RGS7: variants seen among roughly 807,000 people sequenced by gnomAD.
RGS7 encodes regulator of G-protein signaling 7.
In RGS7, 27 loss-of-function variants were observed where a neutral mutation model predicts 81.1. The observed-to-expected ratio is 0.33, with a 90% CI of 0.25 to 0.46. The LOEUF (loss-of-function observed/expected upper bound fraction) is 0.46, where lower values mean the gene tolerates loss of function less well. Ranked by LOEUF, RGS7 falls within the 20% of genes least tolerant of loss-of-function variation. The pLI is 1.00. For synonymous variants in RGS7, 208 were observed against 207.7 expected, an observed-to-expected ratio of 1.00 and a Z score of -0.01; for missense variants, 396 against 607.4, an observed-to-expected ratio of 0.65 and a Z score of 3.66.
chr1:240,820,969 T>C (rs1439585083), intron 10 of RGS7, among the ~76,000 whole-genome samples: 1 of 152,130 alleles, frequency 6.6e-6, no homozygotes, highest in East Asian at 1.9e-4. Flanking sequence ...TTCTCTTTCT[T>C]TCACGGTTGC....
intron 2 of RGS7, among the ~76,000 whole-genome samples, chr1:241,330,467 C>T (rs2081911382): frequency 1.3e-5 from 2 of 152,176 alleles, no homozygotes. Flanking sequence ...CACTTGAAGA[C>T]ATACCAGTTA....
intron 2 of RGS7, among the ~76,000 whole-genome samples, chr1:241,237,810 T>C (rs1352042689): frequency 2.0e-5 from 3 of 152,114 alleles, no homozygotes; most frequent in East Asian, 1.9e-4. Flanking sequence ...CGTTCGAGTA[T>C]AATTTGAGCC....
chr1:241,340,278 T>C (rs2082467751), intron 2 of RGS7, among the ~76,000 whole-genome samples: 1 of 152,142 alleles, frequency 6.6e-6, no homozygotes, highest in Non-Finnish European at 1.5e-5. Flanking sequence ...CAAAACCAAG[T>C]GAATGGTAAC....
chr1:241,100,928 C>A (rs1474736247), intron 2 of RGS7, among the ~76,000 whole-genome samples: 2 of 152,194 alleles, frequency 1.3e-5, no homozygotes, highest in South Asian at 4.1e-4. Context: ...GGGAGCTGAG[C>A]TGACTTATCA....
Position 240,853,759 on chromosome 1 carries a change from G to A in RGS7, c.609+14828C>T, listed in dbSNP as rs181588933. 4.3e-4 allele frequency among the ~76,000 whole-genome samples: 65 copies of A among 151,808 alleles called. No homozygotes were observed. In the East Asian group the frequency reaches 0.012, roughly 29 times the overall value. ...CTACTAAAAATACAAAAAATTAGCC[G>A]GGCGTGGTGCGGGCACCTGTAGTCC... On this transcript the variant is annotated intron_variant, in intron 9 of 18. Transcript: ENST00000440928.
At chr1:241,263,443 A>G (rs2077437783) in intron 2 of RGS7, among the ~76,000 whole-genome samples, 1 of 152,208 alleles carries the variant, frequency 6.6e-6, no homozygotes, top group South Asian at 2.1e-4. Flanking sequence ...TCCAAAGGGT[A>G]CAACTATAGC....
At chr1:240,833,781 G>T (rs1163041070) in intron 9 of RGS7, among the ~76,000 whole-genome samples, 1 of 151,792 alleles carries the variant, frequency 6.6e-6, no homozygotes, top group Non-Finnish European at 1.5e-5. Flanking sequence ...AGTAACTATA[G>T]ATTTTAAAGT....
At chr1:241,011,108 G>C (rs937039350) in intron 3 of RGS7, among the ~76,000 whole-genome samples, 3 of 152,178 alleles carry the variant, frequency 2.0e-5, no homozygotes, top group South Asian at 2.1e-4. Context: ...GATGGCTGCA[G>C]GAGTATGCTT....
chr1:241,317,785 A>C (rs1208302366), intron 2 of RGS7, among the ~76,000 whole-genome samples: 1 of 152,092 alleles, frequency 6.6e-6, no homozygotes, highest in East Asian at 1.9e-4. Flanking sequence ...CTTCTTGGCC[A>C]CTCATCAGTT....
rs1374182451 is a variant in RGS7 at position 240,986,615 on chromosome 1, G to C, written c.176-3486C>G. ...TTTTTTTTTTTTGAGACGGAGTCTC[G>C]CTGTCGCCCAGGCTGGAGTGCAGTG... On this transcript the variant is annotated intron_variant, in intron 3 of 18. Coordinates refer to ENST00000440928, the MANE Select transcript of RGS7 (RefSeq NM_001364886.1). 2.1e-3 allele frequency among the ~76,000 whole-genome samples: 2 copies of C among 958 alleles called. 1 individual carries two copies. Among genetic ancestry groups the C allele is most frequent in the Non-Finnish European group, 3.3e-3 (2 of 612 alleles). 0.6% of individuals were successfully genotyped at this position (958 alleles called of 152,430 possible). A position where few individuals can be genotyped will look rare whatever the true frequency, so the allele number is the denominator to read the frequency against.
intron 2 of RGS7, among the ~76,000 whole-genome samples, chr1:241,345,172 G>A (rs1422382791): frequency 6.6e-6 from 1 of 152,184 alleles, no homozygotes; most frequent in Non-Finnish European, 1.5e-5. Flanking sequence ...CTTATAAGTA[G>A]GAGCTAAATG....
At chr1:241,029,055 C>A (rs532141314) in intron 3 of RGS7, among the ~76,000 whole-genome samples, 1 of 151,842 alleles carries the variant, frequency 6.6e-6, no homozygotes, top group Non-Finnish European at 1.5e-5. Flanking sequence ...ATTGAAGAGG[C>A]GAAAATCAAA....
intron 3 of RGS7, among the ~76,000 whole-genome samples, chr1:241,029,372 A>G (rs2059955468): frequency 6.6e-6 from 1 of 152,204 alleles, no homozygotes. Flanking sequence ...TAACCCCTCG[A>G]AATCTAGCTT....
chr1:241,346,362 C>T (rs2148719573), intron 2 of RGS7, among the ~76,000 whole-genome samples: 1 of 150,246 alleles, frequency 6.7e-6, no homozygotes, highest in Non-Finnish European at 1.5e-5. Context: ...ATCTTCAGCA[C>T]TTACCATACA....
chr1:241,134,231 T>C (rs2067324005), intron 2 of RGS7, among the ~76,000 whole-genome samples: 2 of 152,194 alleles, frequency 1.3e-5, no homozygotes, highest in Admixed American at 1.3e-4. Flanking sequence ...AGAACAGCCA[T>C]CCTCACAGCA....
At chr1:241,036,404 T>C (rs2060328579) in intron 3 of RGS7, among the ~76,000 whole-genome samples, 2 of 152,208 alleles carry the variant, frequency 1.3e-5, no homozygotes, top group East Asian at 1.9e-4. Flanking sequence ...CCACTGCTGG[T>C]ATAAAGGCAA....
At chr1:240,887,980 C>A (rs1282075748) in intron 6 of RGS7, among the ~76,000 whole-genome samples, 1 of 152,192 alleles carries the variant, frequency 6.6e-6, no homozygotes, top group East Asian at 1.9e-4. Flanking sequence ...GAAAACTACT[C>A]TTTTTCTATT....
rs185975341 is a variant in RGS7 at position 241,276,265 on chromosome 1, T to C, written c.78+79434A>G. Among the ~76,000 whole-genome samples, 51 of 152,266 alleles carry C rather than the reference T, an allele frequency of 3.3e-4. 1 individual carries two copies. The Middle Eastern group carries it at 0.01, about 30-fold the overall frequency. ...ACCTTGGGACCTCATTCGTCCAATG[T>C]CCTAATACAGATCAACGATCAAAAC... On this transcript the variant is annotated intron_variant, in intron 2 of 18. Transcript: ENST00000440928.
intron 2 of RGS7, among the ~76,000 whole-genome samples, chr1:241,157,896 G>C (rs1378653289): frequency 1.1e-4 from 2 of 17,732 alleles, no homozygotes; most frequent in African/African-American, 5.1e-4. Context: ...TGGGCTCACT[G>C]CAAGCTCCAC....
Sources: gnomAD v4.1 joint callset for allele counts (sites outside exome capture counted in the v4.1 genomes callset) on GRCh38, gnomAD v4.1.1 for gene constraint, MANE v1.5 for transcripts, NCBI Gene and HGNC (gene_info 2026-07-23, HGNC 2026-07-21) for gene names.